The following ALOX5AP variants were observed in gnomAD, a reference collection of about 807,000 sequenced individuals.
ALOX5AP encodes arachidonate 5-lipoxygenase-activating protein.
Under a neutral mutation model 18.5 loss-of-function variants are expected in ALOX5AP, and 9 were observed. That is an observed-to-expected ratio of 0.49 (90% CI 0.29 to 0.85). The LOEUF is 0.85. Ranked by LOEUF, ALOX5AP falls within the 40% of genes least tolerant of loss-of-function variation. The pLI, the probability that ALOX5AP is intolerant of heterozygous loss-of-function variation, is 0.08. For synonymous variants in ALOX5AP, 81 were observed against 78.6 expected, an observed-to-expected ratio of 1.03 and a Z score of -0.16; for missense variants, 172 against 202.5, an observed-to-expected ratio of 0.85 and a Z score of 0.91.
chr13:30,755,917 C>T, intron 3 of ALOX5AP, 27 bp from the exon 4 acceptor site: 2 of 1,610,928 alleles, frequency 1.2e-6, no homozygotes, highest in Non-Finnish European at 1.7e-6. Context: ...ACGAAACTGA[C>T]ACAGGTGTTT....
chr13:30,731,497 C>G (rs1281114097), upstream of ALOX5AP, among the ~76,000 whole-genome samples: 8 of 152,154 alleles, frequency 5.3e-5, no homozygotes, highest in East Asian at 1.4e-3. Flanking sequence ...GCCTCAGCCC[C>G]GAGTAGCTGG....
At chr13:30,744,639 A>G (rs762230350) in intron 2 of ALOX5AP, among the ~76,000 whole-genome samples, 16 of 152,218 alleles carry the variant, frequency 1.1e-4, no homozygotes, top group Non-Finnish European at 1.9e-4. Context: ...TCCTTGAGCA[A>G]CTAGAACAAG....
chr13:30,718,827 A>G (rs1246393891), intron 1 of ALOX5AP, among the ~76,000 whole-genome samples: 2 of 152,150 alleles, frequency 1.3e-5, no homozygotes, highest in Non-Finnish European at 2.9e-5. Context: ...CTATGCTCAT[A>G]GCTGACCACT....
At chr13:30,720,499 A>G (rs761574391) in intron 1 of ALOX5AP, among the ~76,000 whole-genome samples, 1 of 152,222 alleles carries the variant, frequency 6.6e-6, no homozygotes, top group Non-Finnish European at 1.5e-5. Flanking sequence ...TAACATTGGA[A>G]CCTTATGTTT....
chr13:30,714,464 G>T (rs1246701712), intron 1 of ALOX5AP, among the ~76,000 whole-genome samples: 22 of 151,962 alleles, frequency 1.4e-4, no homozygotes, highest in Admixed American at 1.4e-3. Flanking sequence ...TCCCGTCATT[G>T]CCCAGGGCAG....
At chr13:30,719,402 A>T (rs1951576143) in intron 1 of ALOX5AP, among the ~76,000 whole-genome samples, 2 of 152,198 alleles carry the variant, frequency 1.3e-5, no homozygotes, top group African/African-American at 4.8e-5. Flanking sequence ...CGGGATAATC[A>T]TACCGCTTCA....
At chr13:30,753,889 C>G (rs1176585135) in intron 3 of ALOX5AP, among the ~76,000 whole-genome samples, 1 of 152,166 alleles carries the variant, frequency 6.6e-6, no homozygotes, top group Non-Finnish European at 1.5e-5. Context: ...GATGGTATAA[C>G]ATAAGGAAAA....
At chr13:30,761,722 A>G (rs184684436) in intron 4 of ALOX5AP, among the ~76,000 whole-genome samples, 58 of 152,312 alleles carry the variant, frequency 3.8e-4, no homozygotes, top group African/African-American at 1.3e-3. Flanking sequence ...TCCTTGGCTT[A>G]TAGAGTGCCA....
At chr13:30,724,648 T>C (rs1951623518) in intron 1 of ALOX5AP, among the ~76,000 whole-genome samples, 1 of 152,246 alleles carries the variant, frequency 6.6e-6, no homozygotes, top group Non-Finnish European at 1.5e-5. Flanking sequence ...ACTATTCGCC[T>C]TTTGAGAAAC....
intron 4 of ALOX5AP, among the ~76,000 whole-genome samples, chr13:30,760,206 T>C (rs917628051): frequency 6.6e-6 from 1 of 150,904 alleles, no homozygotes; most frequent in African/African-American, 2.4e-5. Context: ...GGGACTGTAA[T>C]GTTTTCTGTT....
Position 30,741,103 on chromosome 13 carries a change from C to CTTTTTTTTTTTTTTTTTT in ALOX5AP, c.71-2939_71-2922dup, listed in dbSNP as rs59980433. Among the ~76,000 whole-genome samples, 14 of 64,008 alleles carry CTTTTTTTTTTTTTTTTTT rather than the reference C, an allele frequency of 2.2e-4. 3 individuals are homozygous for CTTTTTTTTTTTTTTTTTT. The highest frequency in any genetic ancestry group is 3.6e-4 in the Non-Finnish European group (13 of 36,054). The allele number at this position is 64,008 out of a possible 152,430, so 42.0% of individuals were successfully genotyped here. On this transcript the variant is annotated intron_variant, in intron 1 of 4. Transcript: ENST00000380490. Reference sequence around the variant, plus strand: ...TTAACCTACACACATCCTCCATATCCTTTTTTTTTTTTTTTTTTTTTTTTT... The same window carrying CTTTTTTTTTTTTTTTTTT: ...TTAACCTACACACATCCTCCATATCCTTTTTTTTTTTTTTTTTTTTTTTTTTTTTTTTTTTTTTTTTTT...
chr13:30,732,237 T>TGTGTGGGGCCCCAGAAG (rs72183530), upstream of ALOX5AP, among the ~76,000 whole-genome samples: 11 of 152,010 alleles, frequency 7.2e-5, no homozygotes, highest in East Asian at 1.9e-4. Flanking sequence ...TTTTCTCCCA[T>TGTGTGGGGCCCCAGAAG]GTGTGGGGCC....
At chr13:30,731,111 A>C (rs1394977053), upstream of ALOX5AP, among the ~76,000 whole-genome samples, 2 of 151,948 alleles carry the variant, frequency 1.3e-5, no homozygotes, top group African/African-American at 4.8e-5. Context: ...TGTCGTGGGG[A>C]TATGTTATTT....
At chr13:30,756,102 T>A in intron 4 of ALOX5AP, 77 bp downstream of exon 4, 1 of 1,422,772 alleles carries the variant, frequency 7.0e-7, no homozygotes, top group Non-Finnish European at 9.9e-7. Flanking sequence ...TTCAAAACAG[T>A]ATTTGACTAG....
chr13:30,746,331 C>G (rs965946321), intron 2 of ALOX5AP, among the ~76,000 whole-genome samples: 1 of 152,210 alleles, frequency 6.6e-6, no homozygotes, highest in South Asian at 2.1e-4. Context: ...ACTCAACCTC[C>G]ATGAGAGGGA....
At chr13:30,726,633 T>C (rs981890825) in intron 1 of ALOX5AP, among the ~76,000 whole-genome samples, 2 of 152,204 alleles carry the variant, frequency 1.3e-5, no homozygotes, top group Non-Finnish European at 2.9e-5. Flanking sequence ...AGGAAGGTAA[T>C]AGTGTTGAAT....
At chr13:30,738,897 G>C (rs1951740948) in intron 1 of ALOX5AP, among the ~76,000 whole-genome samples, 1 of 152,048 alleles carries the variant, frequency 6.6e-6, no homozygotes. Flanking sequence ...ATAGTGCTAA[G>C]GAGGGAAATG....
At chr13:30,761,908 A>G (rs9315050) in intron 4 of ALOX5AP, among the ~76,000 whole-genome samples, 16,845 of 152,260 alleles carry the variant, frequency 0.11, 1,306 homozygotes, top group African/African-American at 0.22. Context: ...AGGAACTGAG[A>G]GTAAAGATTC....
chr13:30,714,403 A>G (rs1219613204), intron 1 of ALOX5AP, among the ~76,000 whole-genome samples: 1 of 151,922 alleles, frequency 6.6e-6, no homozygotes, highest in African/African-American at 2.4e-5. Context: ...GGAGAGGGAG[A>G]CCTGACGGGT....
Sources: allele counts gnomAD v4.1 joint callset (sites outside exome capture counted in the v4.1 genomes callset), GRCh38; gene constraint gnomAD v4.1.1; transcripts MANE v1.5; gene names NCBI Gene and HGNC (gene_info 2026-07-23, HGNC 2026-07-21).